DOCK10: variants seen among roughly 807,000 people sequenced by gnomAD.
The protein encoded by DOCK10 is dedicator of cytokinesis protein 10.
A neutral mutation model predicts 280.1 loss-of-function variants in DOCK10; 145 were observed. That is an observed-to-expected ratio of 0.52 (90% CI 0.45 to 0.59). The LOEUF is 0.59. Ranked by LOEUF, DOCK10 falls within the 20% of genes least tolerant of loss-of-function variation. The pLI is 0.00. For synonymous variants in DOCK10, 915 were observed against 942.2 expected (o/e 0.97, Z 0.53); for missense variants, 2,368 against 2,651.7 (o/e 0.89, Z 2.35).
chr2:224,967,099 A>G (rs972172709), intron 1 of DOCK10, among the ~76,000 whole-genome samples: 1 of 126,370 alleles, frequency 7.9e-6, no homozygotes, highest in Non-Finnish European at 1.7e-5. Flanking sequence ...TTTTTTTTTG[A>G]GACGGAGTCT....
At chr2:224,794,600 C>G (rs943661952) in intron 45 of DOCK10, among the ~76,000 whole-genome samples, 1 of 152,194 alleles carries the variant, frequency 6.6e-6, no homozygotes, top group Non-Finnish European at 1.5e-5. Context: ...TTACCACACC[C>G]CTCCTTAGCC....
At chr2:224,768,374 A>G (rs930449933) in intron 55 of DOCK10, among the ~76,000 whole-genome samples, 1 of 152,184 alleles carries the variant, frequency 6.6e-6, no homozygotes, top group Non-Finnish European at 1.5e-5. Context: ...GAACCAGGAG[A>G]AGGTGTATAT....
intron 22 of DOCK10, among the ~76,000 whole-genome samples, chr2:224,843,539 C>T (rs982222101): frequency 2.0e-4 from 31 of 152,072 alleles, no homozygotes; most frequent in African/African-American, 7.2e-4. Flanking sequence ...GTCAATTGGA[C>T]TTGAAGCCTC....
rs1036501391 is a variant in DOCK10, at chr2:224,870,184, G to A, written c.1257+3812C>T. On this transcript the variant is annotated intron_variant, in intron 11 of 55. Transcript: ENST00000258390. The stretch of plus-strand genomic sequence containing the variant: ...AAGGGGCTTTTCCCCCTTTTGCTTG[G>A]CATTTCCCTTTGCTGCCGCCATGTG... Among the ~76,000 whole-genome samples the A allele has an allele frequency of 3.3e-5, 5 of 152,056 alleles. No homozygotes were observed. The South Asian group carries it at 1.0e-3, about 32-fold the overall frequency.
intron 1 of DOCK10, among the ~76,000 whole-genome samples, chr2:224,990,758 C>T (rs372423219): frequency 6.6e-6 from 1 of 152,184 alleles, no homozygotes. Context: ...ATCCCCTTCC[C>T]TGTTGTTTTT....
chr2:224,976,245 G>C (rs964080948), intron 1 of DOCK10, among the ~76,000 whole-genome samples: 2 of 151,716 alleles, frequency 1.3e-5, no homozygotes, highest in African/African-American at 4.8e-5. Context: ...GGGGTGGGGG[G>C]AAAGGGGAGG....
rs190637284 is a variant in DOCK10 at position 224,923,184 on chromosome 2, A to C, written c.244-6400T>G. 3.3e-3 allele frequency among the ~76,000 whole-genome samples: 496 copies of C among 152,318 alleles called. 1 individual carries two copies. Among genetic ancestry groups the C allele is most frequent in the Middle Eastern group, 0.01 (3 of 294 alleles). ...TTGCTGGGGTTGAACTGTATGGCAAATATACAAATAATGAACAGTTGTCTA... is the reference window on the plus strand; with the variant it reads ...TTGCTGGGGTTGAACTGTATGGCAACTATACAAATAATGAACAGTTGTCTA... On this transcript the variant is annotated intron_variant, in intron 2 of 55. Coordinates refer to ENST00000258390, the MANE Select transcript of DOCK10 (RefSeq NM_014689.3).
chr2:224,800,989 C>T (rs557391872), intron 40 of DOCK10, among the ~76,000 whole-genome samples: 46 of 151,946 alleles, frequency 3.0e-4, no homozygotes, highest in African/African-American at 1.1e-3. Flanking sequence ...TTCTGATTGG[C>T]GATTGGTAGA....
rs527490775 is a variant in DOCK10, at chr2:224,797,939, A to C, written c.4537T>G (p.Ser1513Ala). 5 of 1,613,660 alleles carry C rather than the reference A, an allele frequency of 3.1e-6. No individual in the cohort carries two copies. Among genetic ancestry groups the C allele is most frequent in the Non-Finnish European group, 4.2e-6 (5 of 1,179,780 alleles). Residue 1513 changes from serine (S) to alanine (A), a missense_variant, in exon 42 of 56, where the codon TCA (serine) becomes GCA (alanine). Coordinates refer to ENST00000258390, the MANE Select transcript of DOCK10 (RefSeq NM_014689.3). The stretch of plus-strand genomic sequence containing the variant: ...GTATCAAAGACCCTTTTCATCAATG[A>C]ATTTTGACAGTCACATTGTTGGAGT... ...RQLQQCDCQN[S>A]LMKRVFDTYM... is the part of the protein sequence containing the mutation.
chr2:224,966,145 TAC>T (rs1704728380), intron 1 of DOCK10, among the ~76,000 whole-genome samples: 1 of 152,204 alleles, frequency 6.6e-6, no homozygotes, highest in Non-Finnish European at 1.5e-5. Context: ...TGGCAAACAT[TAC>T]AGAGTGTGCA....
At chr2:224,823,015 GTCTC>G (rs1275592495) in intron 28 of DOCK10, among the ~76,000 whole-genome samples, 9 of 144,158 alleles carry the variant, frequency 6.2e-5, no homozygotes, top group South Asian at 4.3e-4. Flanking sequence ...TTTTGAGACA[GTCTC>G]TCTCTGTCAC....
Position 224,856,903 on chromosome 2 carries a change from T to A in DOCK10, c.1765A>T (p.Ile589Phe). ...AGTTTAACTAGGTCCTCAGTTGAAA[T>A]CTTGCTACTTTCTTGTCTAAACAAT... ...SPLFRQESSK[I>F]STEDLVKLVS... The change falls in exon 15 of 56, where the codon ATT (isoleucine) becomes TTT (phenylalanine). Residue 589 changes from isoleucine (I) to phenylalanine (F), a missense_variant. Physicochemically the swap from Ile to Phe is conservative, Grantham distance 21. Transcript: ENST00000258390. 6.2e-7 allele frequency: 1 copy of A among 1,612,594 alleles called. No homozygotes were observed. The highest frequency in any genetic ancestry group is 1.1e-5 in the South Asian group (1 of 90,960).
At chr2:224,839,573 G>T (rs1041681448) in intron 24 of DOCK10, among the ~76,000 whole-genome samples, 1 of 152,184 alleles carries the variant, frequency 6.6e-6, no homozygotes, top group African/African-American at 2.4e-5. Context: ...AATCTCCAGA[G>T]AATTATGTTA....
At chr2:224,950,135 C>G (rs1322621330) in intron 1 of DOCK10, among the ~76,000 whole-genome samples, 1 of 152,190 alleles carries the variant, frequency 6.6e-6, no homozygotes, top group Non-Finnish European at 1.5e-5. Context: ...CATTCGGTAG[C>G]TACATGCAGG....
intron 2 of DOCK10, among the ~76,000 whole-genome samples, chr2:224,926,279 A>G (rs756984348): frequency 3.9e-5 from 6 of 152,248 alleles, no homozygotes; most frequent in Non-Finnish European, 7.3e-5. Context: ...TTTTAATTCA[A>G]TGTTTGATAA....
At chr2:225,013,861 C>T (rs1237448245) in intron 1 of DOCK10, among the ~76,000 whole-genome samples, 5 of 149,746 alleles carry the variant, frequency 3.3e-5, no homozygotes, top group East Asian at 1.9e-4. Context: ...CTGGGGTGTG[C>T]GTGTGTGTGT....
chr2:224,921,112 A>ATATATATATATAT (rs1553613961), intron 2 of DOCK10, among the ~76,000 whole-genome samples: 3 of 54,410 alleles, frequency 5.5e-5, no homozygotes, highest in African/African-American at 4.7e-4. Context: ...AAAAAAAAAA[A>ATATATATATATAT]ATATATATAT....
chr2:225,016,383 G>A (rs949103727), intron 1 of DOCK10, among the ~76,000 whole-genome samples: 1 of 151,572 alleles, frequency 6.6e-6, no homozygotes, highest in Non-Finnish European at 1.5e-5. Context: ...TGACAAAAAG[G>A]AAATATTATG....
At position 224,778,291 on chromosome 2, in the gene DOCK10, A is replaced by G; in HGVS notation, c.5656-7T>C. Reference sequence around the variant, plus strand: ...CTTCTTCTTCAAAAAAGCCCTATGGAACATAATGAACCACCAATTTTATTA... The same window carrying G: ...CTTCTTCTTCAAAAAAGCCCTATGGGACATAATGAACCACCAATTTTATTA... On this transcript the variant is annotated splice_polypyrimidine_tract_variant and splice_region_variant and intron_variant, in intron 50 of 55. Coordinates refer to ENST00000258390, the MANE Select transcript of DOCK10 (RefSeq NM_014689.3). 1 of 1,594,656 alleles carries G rather than the reference A, an allele frequency of 6.3e-7. No homozygotes were observed. The highest frequency in any genetic ancestry group is 1.1e-5 in the South Asian group (1 of 88,148).
Sources: gnomAD v4.1 joint callset for allele counts (sites outside exome capture counted in the v4.1 genomes callset) on GRCh38, gnomAD v4.1.1 for gene constraint, MANE v1.5 for transcripts, NCBI Gene and HGNC (gene_info 2026-07-23, HGNC 2026-07-21) for gene names.